PTPN2: variants seen among roughly 807,000 people sequenced by gnomAD.
PTPN2 encodes tyrosine-protein phosphatase non-receptor type 2.
PTPN2 carries 19 observed loss-of-function variants against 57.3 expected under a neutral mutation model. The ratio of observed to expected loss-of-function variants is 0.33; its 90% CI spans 0.23 to 0.49. PTPN2 has a LOEUF of 0.49. Ranked by LOEUF, PTPN2 falls within the 20% of genes least tolerant of loss-of-function variation. PTPN2 has a pLI of 0.99. For missense variants in PTPN2, 358 were observed against 501.1 expected, an observed-to-expected ratio of 0.71 and a Z score of 2.73; for synonymous variants, 153 against 164.9, an observed-to-expected ratio of 0.93 and a Z score of 0.55.
chr18:12,845,244 A>G (rs1265945910), intron 2 of PTPN2, among the ~76,000 whole-genome samples: 1 of 152,202 alleles, frequency 6.6e-6, no homozygotes, highest in Non-Finnish European at 1.5e-5. Context: ...ATTTGACACT[A>G]TGAGTCACTA....
Position 12,792,375 on chromosome 18 carries a change from C to T in PTPN2, c.*1903G>A, listed in dbSNP as rs1358291320. 2.6e-5 allele frequency: 9 copies of T among 343,968 alleles called. No homozygotes were observed. The highest frequency in any genetic ancestry group is 3.3e-5 in the Non-Finnish European group (8 of 244,846). 21.3% of individuals were successfully genotyped at this position (343,968 alleles called of 1,614,324 possible). On this transcript the variant is annotated 3_prime_UTR_variant, in exon 9 of 9. Coordinates refer to ENST00000309660, the MANE Select transcript of PTPN2 (RefSeq NM_002828.4). ...TCGGCTCACTGCAACCTCTGCCTCCCGGGTTCAAGTGATTCTCCTGCCTTA... is the reference window on the plus strand; with the variant it reads ...TCGGCTCACTGCAACCTCTGCCTCCTGGGTTCAAGTGATTCTCCTGCCTTA...
chr18:12,873,531 C>T (rs1349332401), intron 1 of PTPN2, among the ~76,000 whole-genome samples: 1 of 152,250 alleles, frequency 6.6e-6, no homozygotes, highest in African/African-American at 2.4e-5. Context: ...CGCGAGTGAT[C>T]CGCCAGCCTC....
intron 2 of PTPN2, chr18:12,839,573 A>C (rs2042977290): frequency 6.6e-6 from 1 of 152,202 alleles, no homozygotes; most frequent in African/African-American, 2.4e-5. Flanking sequence ...AAATGAAGAT[A>C]GTTCAAACTC....
At position 12,851,372 on chromosome 18, in the gene PTPN2, G is replaced by A. The variant is rs1398842150; in HGVS notation, c.160+7792C>T. On this transcript the variant is annotated intron_variant, in intron 2 of 8. Coordinates refer to ENST00000309660, the MANE Select transcript of PTPN2 (RefSeq NM_002828.4). ...CGGGCGCCTGTAGTCCCAGCTACTC[G>A]GGAGGCTGAGGCAGGAGAATGGCGT... is the stretch of plus-strand genomic sequence containing the variant. Among the ~76,000 whole-genome samples, 2 of 40,842 alleles carry A rather than the reference G, an allele frequency of 4.9e-5. 1 individual carries two copies. Among genetic ancestry groups the A allele is most frequent in the Non-Finnish European group, 1.3e-4 (2 of 15,136 alleles). 26.8% of individuals were successfully genotyped at this position (40,842 alleles called of 152,430 possible).
intron 1 of PTPN2, among the ~76,000 whole-genome samples, chr18:12,875,317 T>TAAA (rs10654132): frequency 0.024 from 3,421 of 145,068 alleles, 146 homozygotes; most frequent in African/African-American, 0.081. Flanking sequence ...AAATAAAAAT[T>TAAA]AAAAAAAAAA....
intron 1 of PTPN2, among the ~76,000 whole-genome samples, chr18:12,872,529 G>A (rs2044303417): frequency 6.6e-6 from 1 of 152,156 alleles, no homozygotes; most frequent in Admixed American, 6.5e-5. Flanking sequence ...CCTTGAGCCA[G>A]TTTCTTTGTT....
chr18:12,817,816 A>G (rs2847286), intron 5 of PTPN2, among the ~76,000 whole-genome samples: 43,433 of 152,114 alleles, frequency 0.29, 7,329 homozygotes, highest in Admixed American at 0.4. Context: ...TCTTTAATTC[A>G]TGTATCATGA....
At chr18:12,862,176 T>G (rs1598869830) in intron 1 of PTPN2, 1 of 152,072 alleles carries the variant, frequency 6.6e-6, no homozygotes, top group Non-Finnish European at 1.5e-5. Flanking sequence ...TTTTGTTTTT[T>G]GAGGCAGAGT....
chr18:12,798,770 C>T (rs1347403023), intron 8 of PTPN2, among the ~76,000 whole-genome samples: 2 of 152,146 alleles, frequency 1.3e-5, no homozygotes, highest in African/African-American at 4.8e-5. Context: ...TGGGTGTATA[C>T]CCAGTAATGG....
chr18:12,829,964 C>T (rs2145369164), intron 4 of PTPN2, among the ~76,000 whole-genome samples: 1 of 152,252 alleles, frequency 6.6e-6, no homozygotes, highest in South Asian at 2.1e-4. Context: ...GGTTCAACCA[C>T]CATAAACATG....
intron 1 of PTPN2, among the ~76,000 whole-genome samples, chr18:12,874,050 G>A (rs1246415027): frequency 6.6e-6 from 1 of 151,208 alleles, no homozygotes; most frequent in Non-Finnish European, 1.5e-5. Flanking sequence ...CCCTCCGCCC[G>A]GCAGCCGCCC....
At chr18:12,842,481 G>T (rs12969241) in intron 2 of PTPN2, among the ~76,000 whole-genome samples, 13,115 of 152,260 alleles carry the variant, frequency 0.086, 743 homozygotes, top group East Asian at 0.16. Flanking sequence ...TCTAAACAGG[G>T]TGGTCAGGAT....
chr18:12,823,487 A>C (rs1157431285), intron 5 of PTPN2, among the ~76,000 whole-genome samples: 1 of 152,036 alleles, frequency 6.6e-6, no homozygotes, highest in African/African-American at 2.4e-5. Context: ...CAGTCTGGCC[A>C]ACACAGCGAA....
At chr18:12,789,336 T>G (rs1253939872), downstream of PTPN2, among the ~76,000 whole-genome samples, 1 of 152,080 alleles carries the variant, frequency 6.6e-6, no homozygotes, top group Non-Finnish European at 1.5e-5. Context: ...GAAGGATGAG[T>G]GGAACAGGTC....
At chr18:12,838,768 TG>T (rs1331476019) in intron 2 of PTPN2, among the ~76,000 whole-genome samples, 2 of 72,264 alleles carry the variant, frequency 2.8e-5, no homozygotes. Context: ...TATTTAGAAC[TG>T]ACTACAAATG....
rs778940662 is a variant in PTPN2, at chr18:12,825,963, A to G, written c.361-19T>C. 4 of 1,570,738 alleles carry G rather than the reference A, an allele frequency of 2.5e-6. 1 individual carries two copies. The South Asian group carries it at 3.5e-5, about 14-fold the overall frequency. Reference sequence around the variant, plus strand: ...ATTTAACCTAAATTTAGAAATATGTATATGATTTTTTTTTAGTTTATAGAC... The same window carrying G: ...ATTTAACCTAAATTTAGAAATATGTGTATGATTTTTTTTTAGTTTATAGAC... On this transcript the variant is annotated intron_variant, in intron 4 of 8. Coordinates refer to ENST00000309660, the MANE Select transcript of PTPN2 (RefSeq NM_002828.4).
At chr18:12,832,910 T>C (rs2042718797) in intron 3 of PTPN2, among the ~76,000 whole-genome samples, 1 of 152,344 alleles carries the variant, frequency 6.6e-6, no homozygotes, top group Admixed American at 6.5e-5. Context: ...TCCCTCAGCC[T>C]CCTGAGTAGT....
At chr18:12,864,867 T>C (rs2145492135) in intron 1 of PTPN2, among the ~76,000 whole-genome samples, 1 of 152,340 alleles carries the variant, frequency 6.6e-6, no homozygotes, top group East Asian at 1.9e-4. Context: ...TGGGTTCAAA[T>C]AATGCTGGGT....
intron 8 of PTPN2, among the ~76,000 whole-genome samples, chr18:12,801,408 G>A (rs2041419182): frequency 6.6e-6 from 1 of 152,092 alleles, no homozygotes; most frequent in Admixed American, 6.5e-5. Flanking sequence ...AGCTACATGG[G>A]AGGGCTGAGG....
Sources: allele counts gnomAD v4.1 joint callset (sites outside exome capture counted in the v4.1 genomes callset), GRCh38; gene constraint gnomAD v4.1.1; transcripts MANE v1.5; gene names NCBI Gene and HGNC (gene_info 2026-07-23, HGNC 2026-07-21).